The following FRMD3 variants were observed in gnomAD, a reference collection of about 807,000 sequenced individuals.
FRMD3 encodes the protein FERM domain containing 3.
Under a neutral mutation model 70.2 loss-of-function variants are expected in FRMD3, and 33 were observed. That is an observed-to-expected ratio of 0.47 (90% confidence interval 0.36 to 0.63). FRMD3 has a LOEUF of 0.63. FRMD3 is among the 20% of genes least tolerant of loss of function. The probability of loss-of-function intolerance (pLI) is 0.00; values close to 1 mark genes in which losing one functional copy is unlikely to be tolerated. For missense variants in FRMD3, 632 were observed against 711.4 expected (o/e 0.89, Z 1.27); for synonymous variants, 279 against 255.9 (o/e 1.09, Z -0.86).
intron 1 of FRMD3, among the ~76,000 whole-genome samples, chr9:83,392,585 G>A (rs967657083): frequency 6.6e-5 from 10 of 152,042 alleles, no homozygotes; most frequent in South Asian, 2.1e-4. Flanking sequence ...CCTTCCCTGC[G>A]GCCTAAACCA....
At chr9:83,368,743 A>AT (rs1000141310) in intron 3 of FRMD3, among the ~76,000 whole-genome samples, 1 of 152,126 alleles carries the variant, frequency 6.6e-6, no homozygotes, top group Non-Finnish European at 1.5e-5. Context: ...GTGTCATTAG[A>AT]TTTTTTGTAA....
At chr9:83,254,243 A>G (rs1288381927) in intron 13 of FRMD3, among the ~76,000 whole-genome samples, 1 of 152,168 alleles carries the variant, frequency 6.6e-6, no homozygotes, top group Non-Finnish European at 1.5e-5. Context: ...GTGCACACGT[A>G]CCCTAGAACT....
intron 6 of FRMD3, among the ~76,000 whole-genome samples, chr9:83,317,003 A>G (rs1835606361): frequency 6.6e-6 from 1 of 152,116 alleles, no homozygotes. Context: ...CCAGAAGTTC[A>G]AAACAAGCCT....
At chr9:83,473,380 C>T (rs12551710) in intron 1 of FRMD3, among the ~76,000 whole-genome samples, 9,063 of 152,314 alleles carry the variant, frequency 0.06, 323 homozygotes, top group East Asian at 0.18. Context: ...CCCTCACCTA[C>T]CTTCCACAGC....
intron 10 of FRMD3, among the ~76,000 whole-genome samples, chr9:83,307,018 T>C (rs2131036284): frequency 6.6e-6 from 1 of 152,306 alleles, no homozygotes; most frequent in East Asian, 1.9e-4. Context: ...GTTAAAAAAA[T>C]AGAAATCAGA....
chr9:83,313,403 T>G (rs1835437661), intron 7 of FRMD3, among the ~76,000 whole-genome samples: 1 of 152,196 alleles, frequency 6.6e-6, no homozygotes, highest in South Asian at 2.1e-4. Context: ...AACCATCCAT[T>G]TGATGAGTGA....
rs1225367280 is a variant in FRMD3 at position 83,490,563 on chromosome 9, T to C, written c.147+47522A>G. Among the ~76,000 whole-genome samples, 3 of 152,136 alleles carry C rather than the reference T, an allele frequency of 2.0e-5. 1 individual carries two copies. The East Asian group carries it at 5.8e-4, about 29-fold the overall frequency. The stretch of plus-strand genomic sequence containing the variant: ...TCCCAAAGTGCTGGGATTACAGACA[T>C]GAGCCATGGTGCCCAGCCTGTAGTT... On this transcript the variant is annotated intron_variant, in intron 1 of 13. Coordinates refer to ENST00000304195, the MANE Select transcript of FRMD3 (RefSeq NM_174938.6).
chr9:83,321,481 A>G (rs920708287), intron 6 of FRMD3, among the ~76,000 whole-genome samples: 2 of 152,192 alleles, frequency 1.3e-5, no homozygotes, highest in Non-Finnish European at 2.9e-5. Flanking sequence ...TGTATTGTAC[A>G]GTTTCAAGCA....
intron 1 of FRMD3, among the ~76,000 whole-genome samples, chr9:83,425,216 T>G (rs2131366363): frequency 6.6e-6 from 1 of 152,296 alleles, no homozygotes; most frequent in Non-Finnish European, 1.5e-5. Context: ...TAATTATGGG[T>G]TAATGTAGAT....
chr9:83,438,407 G>GTTTT (rs5898830), intron 1 of FRMD3, among the ~76,000 whole-genome samples: 1 of 92,960 alleles, frequency 1.1e-5, no homozygotes, highest in East Asian at 2.6e-4. Context: ...TCAGAAGAGA[G>GTTTT]TTTTTTTTTT....
chr9:83,470,143 C>T (rs1032547422), intron 1 of FRMD3, among the ~76,000 whole-genome samples: 5 of 152,146 alleles, frequency 3.3e-5, no homozygotes, highest in Non-Finnish European at 7.3e-5. Flanking sequence ...TTCTACCACT[C>T]AGGGAACACC....
intron 6 of FRMD3, chr9:83,332,055 G>T: frequency 1.6e-6 from 1 of 617,544 alleles, no homozygotes; most frequent in Non-Finnish European, 2.9e-6. Flanking sequence ...GAGCCCCCCA[G>T]CTGGCCTCTG....
chr9:83,453,746 C>T (rs915445500), intron 1 of FRMD3, among the ~76,000 whole-genome samples: 1 of 124,792 alleles, frequency 8.0e-6, no homozygotes, highest in East Asian at 2.4e-4. Flanking sequence ...GATGGAGTCT[C>T]ACTTTGTCAC....
At chr9:83,254,585 A>G (rs569302269) in intron 13 of FRMD3, among the ~76,000 whole-genome samples, 5 of 152,024 alleles carry the variant, frequency 3.3e-5, no homozygotes, top group African/African-American at 7.2e-5. Context: ...CAAAAAGTCA[A>G]TGAATCTAGA....
intron 1 of FRMD3, among the ~76,000 whole-genome samples, chr9:83,397,095 A>G (rs546106239): frequency 6.6e-6 from 1 of 152,318 alleles, no homozygotes; most frequent in East Asian, 1.9e-4. Context: ...ATCAGTCAGC[A>G]TAGCGTTTTG....
chr9:83,455,124 TAACA>T (rs547844639), intron 1 of FRMD3, among the ~76,000 whole-genome samples: 3 of 152,340 alleles, frequency 2.0e-5, no homozygotes, highest in South Asian at 4.1e-4. Context: ...AAGAAAAATG[TAACA>T]AACAATCATG....
At chr9:83,406,378 C>G (rs980948139) in intron 1 of FRMD3, among the ~76,000 whole-genome samples, 4 of 152,356 alleles carry the variant, frequency 2.6e-5, no homozygotes, top group African/African-American at 9.6e-5. Flanking sequence ...ACTGCAGTGT[C>G]TGGAGGACCA....
intron 13 of FRMD3, among the ~76,000 whole-genome samples, chr9:83,272,858 T>C (rs987209218): frequency 2.1e-5 from 3 of 145,638 alleles, no homozygotes; most frequent in Non-Finnish European, 4.5e-5. Flanking sequence ...GAGGAGCGTC[T>C]CTGCCCGGCC....
At chr9:83,387,739 G>A (rs1213399849) in intron 2 of FRMD3, among the ~76,000 whole-genome samples, 2 of 152,174 alleles carry the variant, frequency 1.3e-5, no homozygotes, top group Admixed American at 1.3e-4. Flanking sequence ...TATACGAGTG[G>A]AATATCTTCA....
Sources: allele counts gnomAD v4.1 joint callset (sites outside exome capture counted in the v4.1 genomes callset), GRCh38; gene constraint gnomAD v4.1.1; transcripts MANE v1.5; gene names NCBI Gene and HGNC (gene_info 2026-07-23, HGNC 2026-07-21).